ANKFN1: variants seen among roughly 807,000 people sequenced by gnomAD.
ANKFN1 encodes ankyrin repeat and fibronectin type III domain containing 1, also known as ankyrin repeat and fibronectin type-III domain-containing protein 1.
In ANKFN1, 74 loss-of-function variants were observed where a neutral mutation model predicts 108.7. That is an observed-to-expected ratio of 0.68 (90% CI 0.56 to 0.83). The LOEUF (loss-of-function observed/expected upper bound fraction) is 0.83, where lower values mean the gene tolerates loss of function less well. ANKFN1 is among the 40% of genes least tolerant of loss of function. The pLI, the probability that ANKFN1 is intolerant of heterozygous loss-of-function variation, is 0.00. For synonymous variants in ANKFN1, 547 were observed against 516.2 expected, an observed-to-expected ratio of 1.06 and a Z score of -0.81; for missense variants, 1,505 against 1,382.3, an observed-to-expected ratio of 1.09 and a Z score of -1.41.
At chr17:56,267,644 G>A (rs1323162620) in intron 3 of ANKFN1, among the ~76,000 whole-genome samples, 1 of 152,132 alleles carries the variant, frequency 6.6e-6, no homozygotes, top group Non-Finnish European at 1.5e-5. Context: ...CATTTACTGA[G>A]TAAGAAGTCC....
intron 4 of ANKFN1, among the ~76,000 whole-genome samples, chr17:56,110,481 T>TGGAAA (rs1905900443): frequency 6.6e-6 from 1 of 152,228 alleles, no homozygotes; most frequent in African/African-American, 2.4e-5. Flanking sequence ...AGTGTCTGTC[T>TGGAAA]CCCTTACTGG....
intron 20 of ANKFN1, among the ~76,000 whole-genome samples, chr17:56,508,786 A>G (rs17820498): frequency 0.097 from 14,836 of 152,252 alleles, 770 homozygotes; most frequent in South Asian, 0.15. Flanking sequence ...ACAGATGCAT[A>G]CTTTCTTTAT....
intron 6 of ANKFN1, among the ~76,000 whole-genome samples, chr17:56,371,208 T>A (rs938013482): frequency 4.6e-5 from 7 of 152,098 alleles, no homozygotes; most frequent in Non-Finnish European, 1.0e-4. Flanking sequence ...TCATTAACCA[T>A]GACAAATCTG....
intron 9 of ANKFN1, among the ~76,000 whole-genome samples, chr17:56,440,908 AAT>A (rs1222166690): frequency 2.0e-5 from 3 of 152,168 alleles, no homozygotes; most frequent in Non-Finnish European, 4.4e-5. Flanking sequence ...AGTCTGTCTA[AAT>A]ATGTTTTCAC....
intron 3 of ANKFN1, among the ~76,000 whole-genome samples, chr17:56,232,641 T>A (rs969370718): frequency 4.6e-5 from 7 of 152,192 alleles, no homozygotes; most frequent in African/African-American, 1.7e-4. Context: ...GTAGAGACAG[T>A]GAATATCTGG....
chr17:56,311,532 T>G (rs2045026221), intron 3 of ANKFN1, among the ~76,000 whole-genome samples: 1 of 152,244 alleles, frequency 6.6e-6, no homozygotes, highest in African/African-American at 2.4e-5. Flanking sequence ...TACTGTTAAG[T>G]ACTTATGTGT....
chr17:56,291,777 G>A (rs1380210483), intron 3 of ANKFN1, among the ~76,000 whole-genome samples: 1 of 152,166 alleles, frequency 6.6e-6, no homozygotes, highest in East Asian at 1.9e-4. Context: ...CATGGTTCAG[G>A]ACATCTGTTG....
rs1311063705 is a variant in ANKFN1 at position 56,188,577 on chromosome 17, GTGTGTATATATATATATATATATA to G, written c.-70-24019_-70-23996del. Among the ~76,000 whole-genome samples, 7 of 80,764 alleles carry G rather than the reference GTGTGTATATATATATATATATATA, an allele frequency of 8.7e-5. No homozygotes were observed. In the South Asian group the frequency reaches 1.5e-3, roughly 17 times the overall value. 53.0% of individuals were successfully genotyped at this position (80,764 alleles called of 152,430 possible). A position where few individuals can be genotyped will look rare whatever the true frequency, so the allele number is the denominator to read the frequency against. ...TGTGTGTGTGTATGTGTGTGTGTGT[GTGTGTATATATATATATATATATA>G]TATATATATATATATGAAATATCCA... On this transcript the variant is annotated intron_variant, in intron 1 of 20. Coordinates refer to ENST00000682825, the MANE Select transcript of ANKFN1 (RefSeq NM_001370326.1).
chr17:56,174,738 A>G (rs758795433), intron 1 of ANKFN1, among the ~76,000 whole-genome samples: 8 of 152,208 alleles, frequency 5.3e-5, no homozygotes, highest in Middle Eastern at 3.2e-3. Context: ...GAGAATAAAG[A>G]TGAACAAAGA....
At position 56,512,543 on chromosome 17, in the gene ANKFN1, T is replaced by C. The variant is rs141977080; in HGVS notation, c.*1274T>C. Among the ~76,000 whole-genome samples, 484 of 152,322 alleles carry C rather than the reference T, an allele frequency of 3.2e-3. 3 individuals carry two copies. Among genetic ancestry groups the C allele is most frequent in the Non-Finnish European group, 4.9e-3 (332 of 68,030 alleles). ...CTGAATTTCTCACAGGAATCCAAAT[T>C]AGACAAATCACACTGCATATTCAGA... On this transcript the variant is annotated 3_prime_UTR_variant, in exon 21 of 21. Coordinates refer to ENST00000682825, the MANE Select transcript of ANKFN1 (RefSeq NM_001370326.1).
intron 3 of ANKFN1, among the ~76,000 whole-genome samples, chr17:56,248,049 C>T (rs2043156775): frequency 6.6e-6 from 1 of 152,174 alleles, no homozygotes; most frequent in Non-Finnish European, 1.5e-5. Context: ...TAGTCGTCAG[C>T]AACCATGAGG....
chr17:56,222,154 G>A (rs774211609), intron 2 of ANKFN1, among the ~76,000 whole-genome samples: 2 of 152,156 alleles, frequency 1.3e-5, no homozygotes, highest in Non-Finnish European at 2.9e-5. Flanking sequence ...GAGCCCAAAA[G>A]ACTCTTTTTG....
rs185654660 is a variant in ANKFN1 at position 56,081,338 on chromosome 17, A to G, written c.288+35013A>G. On this transcript the variant is annotated intron_variant, in intron 4 of 12. Coordinates refer to the ANKFN1 transcript ENST00000635860. ...TTTTGTCTTAAGGTTTTATTTGTTTATTTATTTATTTATTTATTATTTTTA... is the reference window on the plus strand; with the variant it reads ...TTTTGTCTTAAGGTTTTATTTGTTTGTTTATTTATTTATTTATTATTTTTA... 5.6e-4 allele frequency among the ~76,000 whole-genome samples: 85 copies of G among 151,904 alleles called. 1 individual carries two copies. The highest frequency in any genetic ancestry group is 1.9e-3 in the African/African-American group (77 of 41,432).
chr17:56,124,565 T>C (rs1906812828), intron 4 of ANKFN1, among the ~76,000 whole-genome samples: 1 of 152,184 alleles, frequency 6.6e-6, no homozygotes, highest in South Asian at 2.1e-4. Flanking sequence ...TCTGGCTTTA[T>C]CCACTCTAAC....
At chr17:56,058,684 G>A (rs767985214) in intron 4 of ANKFN1, among the ~76,000 whole-genome samples, 8 of 152,114 alleles carry the variant, frequency 5.3e-5, no homozygotes, top group Non-Finnish European at 1.0e-4. Flanking sequence ...ACCATACAGT[G>A]TTTGGTTCTC....
chr17:56,162,806 C>T lies in ANKFN1; in HGVS notation c.-71+9276C>T, dbSNP rs572448168. Among the ~76,000 whole-genome samples, 220 of 152,188 alleles carry T rather than the reference C, an allele frequency of 1.4e-3. 1 individual carries two copies. The highest frequency in any genetic ancestry group is 0.012 in the South Asian group (58 of 4,822). On this transcript the variant is annotated intron_variant, in intron 1 of 20. Transcript: ENST00000682825. ...ATCCCAGCACTCTGAGAGACTGAGG[C>T]GGGTGGATCACCTGAGGTCAGGAGT...
chr17:56,216,424 G>A (rs929165924), intron 2 of ANKFN1, among the ~76,000 whole-genome samples: 2 of 152,304 alleles, frequency 1.3e-5, no homozygotes, highest in Non-Finnish European at 2.9e-5. Context: ...TCTGAAAGTT[G>A]AAAATATTCA....
At chr17:56,173,027 A>G (rs1395171438) in intron 1 of ANKFN1, among the ~76,000 whole-genome samples, 2 of 152,212 alleles carry the variant, frequency 1.3e-5, no homozygotes, top group Non-Finnish European at 2.9e-5. Flanking sequence ...TGCCAATTAC[A>G]CTTGTGAGTT....
chr17:56,504,155 C>T (rs2051475092), intron 20 of ANKFN1, among the ~76,000 whole-genome samples: 1 of 152,212 alleles, frequency 6.6e-6, no homozygotes, highest in Admixed American at 6.5e-5. Flanking sequence ...ATAAATAATA[C>T]AATCACCATG....
Sources: allele counts gnomAD v4.1 joint callset (sites outside exome capture counted in the v4.1 genomes callset), GRCh38; gene constraint gnomAD v4.1.1; transcripts MANE v1.5; gene names NCBI Gene and HGNC (gene_info 2026-07-23, HGNC 2026-07-21).